SDHC: variants seen among roughly 807,000 people sequenced by gnomAD.
The protein encoded by SDHC is succinate dehydrogenase cytochrome b560 subunit, mitochondrial.
Under a neutral mutation model 22.6 loss-of-function variants are expected in SDHC, and 11 were observed. The observed-to-expected ratio is 0.49, with a 90% confidence interval of 0.31 to 0.81. SDHC has a LOEUF of 0.81. Ranked by LOEUF, SDHC falls within the 30% of genes least tolerant of loss-of-function variation. The pLI is 0.05. For synonymous variants in SDHC, 80 were observed against 77.8 expected (o/e 1.03, Z -0.15); for missense variants, 160 against 212.0 (o/e 0.75, Z 1.52).
rs1183115750 is a variant in SDHC at position 161,314,390 on chromosome 1, C to G, written c.-16C>G. The G allele has an allele frequency of 1.2e-6, 2 of 1,613,996 alleles. No individual in the cohort carries two copies. The highest frequency in any genetic ancestry group is 1.3e-5 in the African/African-American group (1 of 74,938). ...GGGGCCGCCTGGCGTCACTTCCGTC[C>G]AGACCGGAACCCAAGATGGCTGCGC... On this transcript the variant is annotated 5_prime_UTR_variant, in exon 1 of 6. Transcript: ENST00000367975.
At chr1:161,357,085 C>G (rs890372556) in intron 5 of SDHC, among the ~76,000 whole-genome samples, 1 of 148,602 alleles carries the variant, frequency 6.7e-6, no homozygotes, top group African/African-American at 2.6e-5. Flanking sequence ...CGCATGCCAC[C>G]ACTCCTGGTT....
intron 1 of SDHC, chr1:161,315,021 G>A (rs1193015246): frequency 6.5e-6 from 1 of 152,866 alleles, no homozygotes; most frequent in Non-Finnish European, 1.5e-5. Flanking sequence ...ATTTTACTTG[G>A]GAGGGAGAGT....
chr1:161,344,091 C>T (rs1009786672), intron 4 of SDHC, among the ~76,000 whole-genome samples: 2 of 151,866 alleles, frequency 1.3e-5, no homozygotes, highest in South Asian at 4.2e-4. Flanking sequence ...TCGAGACCAT[C>T]CTGGCTAACA....
At chr1:161,356,216 A>G (rs894879528) in intron 4 of SDHC, among the ~76,000 whole-genome samples, 1 of 152,130 alleles carries the variant, frequency 6.6e-6, no homozygotes, top group Non-Finnish European at 1.5e-5. Flanking sequence ...TCTGTCTCCC[A>G]TCATAAACTT....
intron 4 of SDHC, among the ~76,000 whole-genome samples, chr1:161,341,757 C>G (rs1259737432): frequency 2.0e-5 from 3 of 152,122 alleles, no homozygotes; most frequent in African/African-American, 7.2e-5. Context: ...AGATTATGTT[C>G]CCTGGATACA....
chr1:161,316,931 C>T (rs16832813), intron 1 of SDHC, among the ~76,000 whole-genome samples: 17,820 of 151,694 alleles, frequency 0.12, 1,410 homozygotes, highest in African/African-American at 0.22. Flanking sequence ...GTGTTGCAAA[C>T]GGCAATAACT....
intron 4 of SDHC, among the ~76,000 whole-genome samples, chr1:161,352,093 A>G (rs540996434): frequency 2.6e-5 from 4 of 152,262 alleles, no homozygotes; most frequent in African/African-American, 7.2e-5. Context: ...TATTTTCCCA[A>G]TTGAAATTGT....
chr1:161,319,014 A>G (rs1670736157), intron 1 of SDHC, among the ~76,000 whole-genome samples: 1 of 152,248 alleles, frequency 6.6e-6, no homozygotes, highest in Admixed American at 6.5e-5. Context: ...GTTGCACTCC[A>G]GCCTGGGTGA....
intron 5 of SDHC, 104 bp downstream of exon 5, chr1:161,356,944 T>TTC: frequency 1.7e-6 from 2 of 1,186,236 alleles, no homozygotes; most frequent in Non-Finnish European, 2.5e-6. Context: ...TTTTTTTTTT[T>TTC]CCCAAGAGTG....
At chr1:161,349,097 T>C (rs967227380) in intron 4 of SDHC, among the ~76,000 whole-genome samples, 67 of 152,296 alleles carry the variant, frequency 4.4e-4, no homozygotes, top group African/African-American at 1.5e-3. Context: ...CAGATATTCA[T>C]GTATCTGTAT....
At position 161,314,435 on chromosome 1, in the gene SDHC, G is replaced by A. The variant is rs1060504224; in HGVS notation, c.20+10G>A. 9 of 1,580,984 alleles carry A rather than the reference G, an allele frequency of 5.7e-6. No individual in the cohort carries two copies. Among genetic ancestry groups the A allele is most frequent in the East Asian group, 2.3e-5 (1 of 42,938 alleles). ...CTGCGCTGTTGCTGAGGTGACTTCAGTGGGACTGGGAGTTGGTGCCTGCGG... is the reference window on the plus strand; with the variant it reads ...CTGCGCTGTTGCTGAGGTGACTTCAATGGGACTGGGAGTTGGTGCCTGCGG... On this transcript the variant is annotated intron_variant, in intron 1 of 5. Coordinates refer to ENST00000367975, the MANE Select transcript of SDHC (RefSeq NM_003001.5).
intron 4 of SDHC, among the ~76,000 whole-genome samples, chr1:161,349,337 T>G (rs1279206569): frequency 6.6e-6 from 1 of 152,052 alleles, no homozygotes; most frequent in Non-Finnish European, 1.5e-5. Flanking sequence ...AGGTGGCACA[T>G]TCCTGTAACG....
chr1:161,315,805 GA>G (rs199707676), intron 1 of SDHC, among the ~76,000 whole-genome samples: 2,985 of 151,884 alleles, frequency 0.02, 78 homozygotes, highest in African/African-American at 0.065. Flanking sequence ...TATAGAGAAA[GA>G]AAAAAGGGGG....
intron 1 of SDHC, among the ~76,000 whole-genome samples, chr1:161,318,911 G>A (rs1670732141): frequency 6.6e-6 from 1 of 152,164 alleles, no homozygotes; most frequent in African/African-American, 2.4e-5. Context: ...GTGGGTGCCT[G>A]TGGGTGCTGG....
At chr1:161,344,560 T>A (rs1671831012) in intron 4 of SDHC, among the ~76,000 whole-genome samples, 1 of 152,198 alleles carries the variant, frequency 6.6e-6, no homozygotes, top group African/African-American at 2.4e-5. Flanking sequence ...TCTCTCCTAG[T>A]TCCATGATAG....
intron 5 of SDHC, among the ~76,000 whole-genome samples, chr1:161,357,653 C>A (rs1238460132): frequency 6.6e-6 from 1 of 152,192 alleles, no homozygotes; most frequent in East Asian, 1.9e-4. Flanking sequence ...CCCCTCTCAG[C>A]TTCCCAAAGT....
intron 3 of SDHC, among the ~76,000 whole-genome samples, chr1:161,337,761 GTGCATATGTTTC>G (rs765751523): frequency 3.4e-4 from 52 of 152,188 alleles, no homozygotes; most frequent in Non-Finnish European, 7.2e-4. Flanking sequence ...TTCTGGAACA[GTGCATATGTTTC>G]TTCTATTAGC....
At chr1:161,356,966 T>C in intron 5 of SDHC, 126 bp downstream of exon 5, 1 of 992,704 alleles carries the variant, frequency 1.0e-6, no homozygotes, top group Non-Finnish European at 1.6e-6. Flanking sequence ...AGTCTCGCTC[T>C]ATTGCCCAGG....
chr1:161,345,024 C>T (rs571656778), intron 4 of SDHC, among the ~76,000 whole-genome samples: 71 of 152,296 alleles, frequency 4.7e-4, no homozygotes, highest in African/African-American at 1.6e-3. Flanking sequence ...CATGTCACTC[C>T]CTTCCTTAGA....
Sources: gnomAD v4.1 joint callset for allele counts (sites outside exome capture counted in the v4.1 genomes callset) on GRCh38, gnomAD v4.1.1 for gene constraint, MANE v1.5 for transcripts, NCBI Gene and HGNC (gene_info 2026-07-23, HGNC 2026-07-21) for gene names.